Variants in LCLAT1 observed in about 807,000 individuals in gnomAD.
The protein encoded by LCLAT1 is lysocardiolipin acyltransferase 1.
LCLAT1 carries 11 observed loss-of-function variants against 30.7 expected under a neutral mutation model. That is an observed-to-expected ratio of 0.36 (90% CI 0.23 to 0.59). LCLAT1 has a LOEUF of 0.59. Ranked by LOEUF, LCLAT1 falls within the 20% of genes least tolerant of loss-of-function variation. The probability of loss-of-function intolerance (pLI) is 0.77; values close to 1 mark genes in which losing one functional copy is unlikely to be tolerated. For missense variants in LCLAT1, 402 were observed against 458.6 expected, an observed-to-expected ratio of 0.88 and a Z score of 1.13; for synonymous variants, 155 against 151.3, an observed-to-expected ratio of 1.02 and a Z score of -0.18.
At chr2:30,567,200 T>C (rs1665527328) in intron 4 of LCLAT1, among the ~76,000 whole-genome samples, 1 of 152,218 alleles carries the variant, frequency 6.6e-6, no homozygotes, top group Admixed American at 6.5e-5. Flanking sequence ...AATTTAGTTA[T>C]TAGCATTTTA....
chr2:30,462,975 G>A (rs575700325), intron 1 of LCLAT1, among the ~76,000 whole-genome samples: 2 of 152,064 alleles, frequency 1.3e-5, no homozygotes, highest in Non-Finnish European at 2.9e-5. Flanking sequence ...TATTTTTTAG[G>A]GTTAGAATCT....
chr2:30,619,086 T>C (rs540039245), intron 5 of LCLAT1, among the ~76,000 whole-genome samples: 1 of 152,190 alleles, frequency 6.6e-6, no homozygotes, highest in Non-Finnish European at 1.5e-5. Context: ...ATGACTTGGG[T>C]AATTTTTCAA....
intron 3 of LCLAT1, among the ~76,000 whole-genome samples, chr2:30,535,765 A>G (rs942959454): frequency 2.0e-5 from 3 of 152,158 alleles, no homozygotes; most frequent in Non-Finnish European, 2.9e-5. Flanking sequence ...AGGCAGGGAA[A>G]CCTGATACCT....
At chr2:30,482,825 G>T (rs1316100733) in intron 1 of LCLAT1, among the ~76,000 whole-genome samples, 2 of 151,558 alleles carry the variant, frequency 1.3e-5, no homozygotes, top group Non-Finnish European at 2.9e-5. Flanking sequence ...CAAGCAGTTT[G>T]GATTACAGGA....
chr2:30,569,353 A>G lies in LCLAT1; in HGVS notation c.628+1177A>G, dbSNP rs189152261. 4.4e-3 allele frequency among the ~76,000 whole-genome samples: 665 copies of G among 152,382 alleles called. 2 individuals carry two copies. The highest frequency in any genetic ancestry group is 7.8e-3 in the Non-Finnish European group (528 of 68,038). ...TATATTTATACACATTTGTACATAC[A>G]AATAACACATATATGAAGAAAAGGT... is the stretch of plus-strand genomic sequence containing the variant. On this transcript the variant is annotated intron_variant, in intron 5 of 5. Coordinates refer to ENST00000379509, the MANE Select transcript of LCLAT1 (RefSeq NM_001002257.3).
At chr2:30,518,779 A>C (rs915388932) in intron 1 of LCLAT1, among the ~76,000 whole-genome samples, 30 of 152,058 alleles carry the variant, frequency 2.0e-4, no homozygotes, top group Admixed American at 1.8e-3. Context: ...CCTGACTCTC[A>C]ATTCTTGTTT....
chr2:30,500,688 T>G (rs905495050), intron 1 of LCLAT1, among the ~76,000 whole-genome samples: 7 of 152,196 alleles, frequency 4.6e-5, no homozygotes, highest in Non-Finnish European at 8.8e-5. Flanking sequence ...AAGAACCGAT[T>G]GTAAGAGGGA....
rs769958873 is a variant in LCLAT1, at chr2:30,640,285, G to A, written c.797G>A (p.Cys266Tyr). 6.2e-7 allele frequency: 1 copy of A among 1,614,206 alleles called. No individual in the cohort carries two copies. The highest frequency in any genetic ancestry group is 1.7e-5 in the Admixed American group (1 of 60,020). The change falls in exon 6 of 6, where the codon TGC (cysteine) becomes TAC (tyrosine). Residue 266 changes from cysteine (C) to tyrosine (Y), a missense_variant. Coordinates refer to ENST00000379509, the MANE Select transcript of LCLAT1 (RefSeq NM_001002257.3). ...PTSKEDLQLWCHKRWEEKEER... is the reference protein window; with the variant it reads ...PTSKEDLQLWYHKRWEEKEER... ...TCCAAGGAGGACCTTCAACTCTGGT[G>A]CCACAAACGGTGGGAAGAGAAAGAA...
At chr2:30,527,292 A>G (rs74594547) in intron 2 of LCLAT1, among the ~76,000 whole-genome samples, 1 of 152,216 alleles carries the variant, frequency 6.6e-6, no homozygotes, top group African/African-American at 2.4e-5. Flanking sequence ...TTTGAGATCT[A>G]TTCTGGATTC....
intron 1 of LCLAT1, among the ~76,000 whole-genome samples, chr2:30,513,699 G>A (rs1447527785): frequency 2.0e-5 from 3 of 152,094 alleles, no homozygotes; most frequent in East Asian, 3.9e-4. Context: ...CATTCTATTC[G>A]TAGTCACCCC....
At chr2:30,499,851 G>A (rs765360064) in intron 1 of LCLAT1, among the ~76,000 whole-genome samples, 89 of 152,044 alleles carry the variant, frequency 5.9e-4, no homozygotes, top group South Asian at 3.3e-3. Context: ...CATTAACTAT[G>A]TTTTTATTTA....
intron 5 of LCLAT1, among the ~76,000 whole-genome samples, chr2:30,625,136 C>G (rs1030212069): frequency 6.6e-6 from 1 of 152,090 alleles, no homozygotes; most frequent in Non-Finnish European, 1.5e-5. Context: ...ATGCCTATAT[C>G]AAAAAGTCTG....
intron 5 of LCLAT1, among the ~76,000 whole-genome samples, chr2:30,588,364 G>A (rs541821734): frequency 1.3e-5 from 2 of 152,272 alleles, no homozygotes; most frequent in Admixed American, 6.5e-5. Flanking sequence ...ACCAGTTTCT[G>A]CTCATGTGGC....
At chr2:30,615,327 C>G (rs1045459238) in intron 5 of LCLAT1, among the ~76,000 whole-genome samples, 2 of 151,932 alleles carry the variant, frequency 1.3e-5, no homozygotes, top group Admixed American at 1.3e-4. Context: ...TGAACTCACA[C>G]AGTAGTAGGA....
At chr2:30,449,849 T>A (rs1165739034) in intron 1 of LCLAT1, among the ~76,000 whole-genome samples, 3 of 152,232 alleles carry the variant, frequency 2.0e-5, no homozygotes, top group Non-Finnish European at 1.5e-5. Context: ...TTGGGATTTT[T>A]GTTTTTATTA....
At chr2:30,571,390 T>C (rs1283758012) in intron 5 of LCLAT1, among the ~76,000 whole-genome samples, 2 of 152,228 alleles carry the variant, frequency 1.3e-5, no homozygotes, top group Non-Finnish European at 2.9e-5. Flanking sequence ...ATAGTTCTCA[T>C]GTGCTCTGAG....
At chr2:30,532,653 G>C (rs1686037901) in intron 2 of LCLAT1, among the ~76,000 whole-genome samples, 1 of 151,730 alleles carries the variant, frequency 6.6e-6, no homozygotes, top group African/African-American at 2.4e-5. Context: ...AAATAAATAA[G>C]ATCTATGTTT....
chr2:30,567,241 CTT>C (rs1348638658), intron 4 of LCLAT1, among the ~76,000 whole-genome samples: 3 of 151,966 alleles, frequency 2.0e-5, no homozygotes, highest in Non-Finnish European at 4.4e-5. Flanking sequence ...TTCATGAAAT[CTT>C]TTAAACAAAT....
chr2:30,640,824 C>CAT lies in LCLAT1; in HGVS notation c.*207_*208dup. 1 of 574,002 alleles carries CAT rather than the reference C, an allele frequency of 1.7e-6. No homozygotes were observed. The highest frequency in any genetic ancestry group is 3.2e-5 in the East Asian group (1 of 31,238). The allele number at this position is 574,002 out of a possible 1,614,324, so 35.6% of individuals were successfully genotyped here. ...CTGAATGTAATTTCGATACTGTGTACATAGCAGGGAGTGATCGGGGTGAAA... is the reference window on the plus strand; with the variant it reads ...CTGAATGTAATTTCGATACTGTGTACATATAGCAGGGAGTGATCGGGGTGAAA... On this transcript the variant is annotated 3_prime_UTR_variant, in exon 6 of 6. Coordinates refer to ENST00000379509, the MANE Select transcript of LCLAT1 (RefSeq NM_001002257.3).
Sources: gnomAD v4.1 joint callset for allele counts (sites outside exome capture counted in the v4.1 genomes callset) on GRCh38, gnomAD v4.1.1 for gene constraint, MANE v1.5 for transcripts, NCBI Gene and HGNC (gene_info 2026-07-23, HGNC 2026-07-21) for gene names.